The following DMD variants were observed in gnomAD, a reference collection of about 807,000 sequenced individuals.
The protein encoded by DMD is mutant dystrophin.
A neutral mutation model predicts 330.1 loss-of-function variants in DMD; 63 were observed. The ratio of observed to expected loss-of-function variants is 0.19; its 90% CI spans 0.16 to 0.24. The LOEUF (loss-of-function observed/expected upper bound fraction) is 0.24. Among genes scored for constraint, DMD ranks in the 10% least tolerant of loss-of-function variants. The probability of loss-of-function intolerance (pLI) is 1.00; values close to 1 mark genes in which losing one functional copy is unlikely to be tolerated. For missense variants in DMD, 3,344 were observed against 2,684.1 expected, an observed-to-expected ratio of 1.25 and a Z score of -5.43; for synonymous variants, 1,223 against 959.8, an observed-to-expected ratio of 1.27 and a Z score of -5.07.
chrX:31,983,319 G>T, intron 44 of DMD, among the ~76,000 whole-genome samples: 1 of 109,752 alleles, frequency 9.1e-6, no homozygotes, highest in Non-Finnish European at 1.9e-5. Flanking sequence ...CTCATCCTTG[G>T]CCTTAATACA....
intron 50 of DMD, among the ~76,000 whole-genome samples, chrX:31,783,064 T>A (rs2091104903): frequency 9.0e-6 from 1 of 111,609 alleles, no homozygotes; most frequent in South Asian, 3.8e-4. Flanking sequence ...ACGCTATTGA[T>A]GAAGGGTGGT....
chrX:31,571,637 T>G (rs2075826071), intron 55 of DMD, among the ~76,000 whole-genome samples: 2 of 111,289 alleles, frequency 1.8e-5, no homozygotes, highest in African/African-American at 6.5e-5. Flanking sequence ...AATATCTTCA[T>G]CATCGCAGAG....
chrX:32,779,445 A>G lies in DMD; in HGVS notation c.649+30048T>C, dbSNP rs769918014. ...TTAAAATGTTTAATAAATCATCTAC[A>G]TATTTAATTTTTACCACTAGCATTT... On this transcript the variant is annotated intron_variant, in intron 7 of 78. Transcript: ENST00000357033. Among the ~76,000 whole-genome samples, 14 of 110,631 alleles carry G rather than the reference A, an allele frequency of 1.3e-4. No individual in the cohort carries two copies. The South Asian group carries it at 5.3e-3, about 42-fold the overall frequency.
intron 44 of DMD, among the ~76,000 whole-genome samples, chrX:32,200,598 G>A (rs1013789823): frequency 9.1e-6 from 1 of 109,926 alleles, no homozygotes; most frequent in African/African-American, 3.3e-5. Context: ...ACACACATAT[G>A]TAATCACACA....
At chrX:31,861,666 GTATA>G (rs1250542440) in intron 48 of DMD, among the ~76,000 whole-genome samples, 1 of 78,682 alleles carries the variant, frequency 1.3e-5, no homozygotes, top group Non-Finnish European at 2.4e-5. Flanking sequence ...GTGTGTGTGT[GTATA>G]TATATACACA....
intron 12 of DMD, among the ~76,000 whole-genome samples, chrX:32,601,291 A>G (rs968705699): frequency 8.9e-6 from 1 of 112,061 alleles, no homozygotes; most frequent in African/African-American, 3.2e-5. Flanking sequence ...CTTCCTCAAC[A>G]GGCTACCCTA....
At chrX:31,130,411 TAGAC>T (rs904288728) in intron 77 of DMD, among the ~76,000 whole-genome samples, 2 of 111,841 alleles carry the variant, frequency 1.8e-5, no homozygotes, top group Admixed American at 9.5e-5. Flanking sequence ...AGATTAGAGA[TAGAC>T]AGATTAGATA....
At chrX:31,792,354 C>T (rs1569417716) in intron 50 of DMD, among the ~76,000 whole-genome samples, 1 of 112,117 alleles carries the variant, frequency 8.9e-6, no homozygotes, top group Non-Finnish European at 1.9e-5. Flanking sequence ...TGATTATCTG[C>T]ACTAAAGCAA....
At chrX:33,204,584 A>G (rs2051458622) in intron 1 of DMD, among the ~76,000 whole-genome samples, 1 of 111,580 alleles carries the variant, frequency 9.0e-6, no homozygotes, top group African/African-American at 3.3e-5. Context: ...TCTCCAATGC[A>G]AGTAGTTTGC....
chrX:31,823,226 T>C (rs1419308973), intron 49 of DMD, among the ~76,000 whole-genome samples: 1 of 112,520 alleles, frequency 8.9e-6, no homozygotes, highest in African/African-American at 3.2e-5. Flanking sequence ...GTTCGAGTGT[T>C]CAATGTCCTC....
Position 33,051,646 on chromosome X carries a change from A to ATTTTTTTTTTTTTTTTTTTTTTTTTT in DMD, c.32-31447_32-31446insAAAAAAAAAAAAAAAAAAAAAAAAAA, listed in dbSNP as rs754035822. Among the ~76,000 whole-genome samples the ATTTTTTTTTTTTTTTTTTTTTTTTTT allele has an allele frequency of 1.3e-4, 9 of 71,926 alleles. 2 individuals are homozygous for ATTTTTTTTTTTTTTTTTTTTTTTTTT. Among genetic ancestry groups the ATTTTTTTTTTTTTTTTTTTTTTTTTT allele is most frequent in the African/African-American group, 5.9e-4 (9 of 15,375 alleles). 62.5% of individuals were successfully genotyped at this position (71,926 alleles called of 115,157 possible). Reference sequence around the variant, plus strand: ...TAAGGAAAATATATAATTACGCTCTATTTTTTTTTTTTTTTTTTTGAGACG... The same window carrying ATTTTTTTTTTTTTTTTTTTTTTTTTT: ...TAAGGAAAATATATAATTACGCTCTATTTTTTTTTTTTTTTTTTTTTTTTTTTTTTTTTTTTTTTTTTTTTGAGACG... On this transcript the variant is annotated intron_variant, in intron 1 of 78. Coordinates refer to ENST00000357033, the MANE Select transcript of DMD (RefSeq NM_004006.3).
chrX:32,504,207 T>C (rs1038308838), intron 18 of DMD, among the ~76,000 whole-genome samples: 3 of 112,584 alleles, frequency 2.7e-5, no homozygotes, highest in African/African-American at 9.7e-5. Context: ...TTTATTTACT[T>C]TCATGTTATT....
intron 1 of DMD, among the ~76,000 whole-genome samples, chrX:33,207,449 T>C (rs142845518): frequency 0.023 from 2,525 of 111,228 alleles, 70 homozygotes; most frequent in African/African-American, 0.079. Context: ...ATATTTAGTA[T>C]AGGAGTGATT....
chrX:32,918,086 G>A lies in DMD; in HGVS notation c.94-68266C>T, dbSNP rs192317152. ...CCTAGTCACATTCAAATGAAGGTTC[G>A]ACCTATTGTGCTGAAGTCTAAGACA... On this transcript the variant is annotated intron_variant, in intron 2 of 78. Transcript: ENST00000357033. Among the ~76,000 whole-genome samples, 579 of 110,664 alleles carry A rather than the reference G, an allele frequency of 5.2e-3. 1 individual carries two copies. The highest frequency in any genetic ancestry group is 0.023 in the Middle Eastern group (5 of 217).
At chrX:32,055,431 G>A (rs1294276431) in intron 44 of DMD, among the ~76,000 whole-genome samples, 2 of 111,671 alleles carry the variant, frequency 1.8e-5, no homozygotes. Context: ...AGCTAGATAG[G>A]AGAAATAAGT....
At chrX:31,678,685 TACCC>T (rs777171308) in intron 53 of DMD, among the ~76,000 whole-genome samples, 2 of 111,088 alleles carry the variant, frequency 1.8e-5, no homozygotes, top group South Asian at 7.8e-4. Flanking sequence ...CCAATCCTGA[TACCC>T]ACTCACCCCC....
intron 42 of DMD, among the ~76,000 whole-genome samples, chrX:32,302,210 C>G (rs1453617426): frequency 9.0e-6 from 1 of 111,058 alleles, no homozygotes; most frequent in Non-Finnish European, 1.9e-5. Flanking sequence ...ATGAGATATT[C>G]AACACTTTAC....
At chrX:31,363,049 TA>T (rs2059026968) in intron 60 of DMD, among the ~76,000 whole-genome samples, 1 of 112,601 alleles carries the variant, frequency 8.9e-6, no homozygotes, top group African/African-American at 3.2e-5. Context: ...AATAAACTCA[TA>T]CTTTTGACTT....
rs375405818 is a variant in DMD at position 32,359,435 on chromosome X, T to A, written c.5325+3353A>T. On this transcript the variant is annotated intron_variant, in intron 37 of 78. Coordinates refer to ENST00000357033, the MANE Select transcript of DMD (RefSeq NM_004006.3). ...CGTGTTCAATCCAAATCTACTTTTT[T>A]TATCACCATAGTATTTTTTTTCCCC... Among the ~76,000 whole-genome samples the A allele has an allele frequency of 1.0e-3, 113 of 111,924 alleles. 1 individual carries two copies. Among genetic ancestry groups the A allele is most frequent in the African/African-American group, 3.5e-3 (108 of 30,852 alleles).
Sources: allele counts gnomAD v4.1 joint callset (sites outside exome capture counted in the v4.1 genomes callset), GRCh38; gene constraint gnomAD v4.1.1; transcripts MANE v1.5; gene names NCBI Gene and HGNC (gene_info 2026-07-23, HGNC 2026-07-21).